The following CRY1 variants were observed in gnomAD, a reference collection of about 807,000 sequenced individuals.
CRY1 encodes the protein cryptochrome-1.
CRY1 carries 45 observed loss-of-function variants against 76.0 expected under a neutral mutation model. The observed-to-expected ratio is 0.59, with a 90% CI of 0.47 to 0.76. The LOEUF is 0.76. CRY1 is among the 30% of genes least tolerant of loss of function. CRY1 has a pLI of 0.00. For missense variants in CRY1, 587 were observed against 716.4 expected (o/e 0.82, Z 2.06); for synonymous variants, 248 against 244.0 (o/e 1.02, Z -0.15).
In CRY1 at chr12:107,016,678, AC is replaced by A. The variant is rs528824113; in HGVS notation, c.267+5405del. On this transcript the variant is annotated intron_variant, in intron 2 of 12. Coordinates refer to ENST00000008527, the MANE Select transcript of CRY1 (RefSeq NM_004075.5). ...CTGAAGAGTCCTAAATTTAGTCCAG[AC>A]TTCTCCCTGAGCACTAGACTTGAAT... is the stretch of plus-strand genomic sequence containing the variant. Among the ~76,000 whole-genome samples the A allele has an allele frequency of 1.1e-4, 17 of 152,268 alleles. No homozygotes were observed. The East Asian group carries it at 1.9e-3, about 17-fold the overall frequency.
At chr12:107,001,988 A>G (rs1325736431) in intron 3 of CRY1, 40 bp from the exon 4 acceptor site, 13 of 1,510,788 alleles carry the variant, frequency 8.6e-6, no homozygotes, top group Non-Finnish European at 1.1e-5. Flanking sequence ...GTATTAAAAA[A>G]GACAATACAT....
At chr12:107,047,517 T>C (rs900017077) in intron 1 of CRY1, among the ~76,000 whole-genome samples, 9 of 152,168 alleles carry the variant, frequency 5.9e-5, no homozygotes, top group African/African-American at 2.2e-4. Context: ...AATTGAATCA[T>C]GGAGGCAGTT....
At chr12:106,993,494 C>T (rs935131474) in intron 10 of CRY1, among the ~76,000 whole-genome samples, 1 of 151,594 alleles carries the variant, frequency 6.6e-6, no homozygotes, top group Admixed American at 6.6e-5. Flanking sequence ...GACTATGTGG[C>T]AGTTACCTAG....
At chr12:107,062,025 C>CAAAAAAAAAAAA (rs35683352) in intron 1 of CRY1, among the ~76,000 whole-genome samples, 3 of 93,556 alleles carry the variant, frequency 3.2e-5, no homozygotes, top group African/African-American at 4.7e-5. Context: ...GACCCTGTCT[C>CAAAAAAAAAAAA]AAAAAAAAAA....
At chr12:107,051,799 G>A (rs1257368120) in intron 1 of CRY1, among the ~76,000 whole-genome samples, 1 of 152,060 alleles carries the variant, frequency 6.6e-6, no homozygotes, top group African/African-American at 2.4e-5. Context: ...AGAGGTAATT[G>A]TAATCTAAGG....
chr12:107,092,218 G>A (rs537944074), intron 1 of CRY1, among the ~76,000 whole-genome samples: 1 of 152,236 alleles, frequency 6.6e-6, no homozygotes, highest in Non-Finnish European at 1.5e-5. Context: ...TCCCTAGAAG[G>A]ACTACAACTT....
chr12:107,002,472 T>C (rs1201340466), intron 3 of CRY1, among the ~76,000 whole-genome samples: 1 of 152,242 alleles, frequency 6.6e-6, no homozygotes, highest in Non-Finnish European at 1.5e-5. Flanking sequence ...AAATGGTTAC[T>C]ATAGTGAAGC....
intron 2 of CRY1, among the ~76,000 whole-genome samples, chr12:107,010,513 AGC>A (rs1425046142): frequency 7.2e-5 from 11 of 152,140 alleles, no homozygotes; most frequent in Admixed American, 7.2e-4. Flanking sequence ...TTTTCCCAAA[AGC>A]ATGTGCTCAC....
chr12:106,997,537 G>A lies in CRY1; in HGVS notation c.1443C>T (p.Ile481=), dbSNP rs368170196. The A allele has an allele frequency of 3.7e-6, 6 of 1,614,016 alleles. No homozygotes were observed. Among genetic ancestry groups the A allele is most frequent in the Admixed American group, 1.7e-5 (1 of 60,026 alleles). The change falls in exon 9 of 13, where the codon ATC becomes ATT. Residue 481 remains isoleucine (I), a synonymous_variant. Transcript: ENST00000008527. The part of the protein sequence containing the change: ...VNHAEASRLN[I]ERMKQIYQQL... ...GCTGATAGATCTGTTTCATCCTTTCGATATTCAAACGGCTTGCCTCAGCAT... is the reference window on the plus strand; with the variant it reads ...GCTGATAGATCTGTTTCATCCTTTCAATATTCAAACGGCTTGCCTCAGCAT...
chr12:107,014,998 C>A (rs1952484357), intron 2 of CRY1, among the ~76,000 whole-genome samples: 1 of 152,108 alleles, frequency 6.6e-6, no homozygotes, highest in Non-Finnish European at 1.5e-5. Flanking sequence ...CTGCCTCAGC[C>A]TCCTAAGTAG....
intron 1 of CRY1, among the ~76,000 whole-genome samples, chr12:107,084,272 T>G (rs1449438135): frequency 6.6e-6 from 1 of 152,188 alleles, no homozygotes; most frequent in African/African-American, 2.4e-5. Context: ...AATTAATAGA[T>G]TCAATGCTAT....
At chr12:107,009,555 C>CAAAACAA (rs1555275523) in intron 2 of CRY1, among the ~76,000 whole-genome samples, 7 of 32,154 alleles carry the variant, frequency 2.2e-4, no homozygotes, top group South Asian at 2.8e-3. Flanking sequence ...AACAAAAAAA[C>CAAAACAA]AAAAAAACAT....
At chr12:107,045,640 A>T (rs1952840451) in intron 1 of CRY1, among the ~76,000 whole-genome samples, 1 of 152,146 alleles carries the variant, frequency 6.6e-6, no homozygotes, top group Non-Finnish European at 1.5e-5. Context: ...CTAACATTTA[A>T]GTCTTTAATC....
chr12:107,011,605 G>C (rs1261612795), intron 2 of CRY1, among the ~76,000 whole-genome samples: 1 of 152,194 alleles, frequency 6.6e-6, no homozygotes, highest in Admixed American at 6.5e-5. Flanking sequence ...AATCCAGAGA[G>C]AGGCCCTAAC....
intron 2 of CRY1, among the ~76,000 whole-genome samples, chr12:107,012,059 G>A (rs1488076569): frequency 2.0e-5 from 3 of 152,094 alleles, no homozygotes; most frequent in Non-Finnish European, 4.4e-5. Flanking sequence ...GCATGGTGGT[G>A]CACGCCTGCA....
At chr12:107,048,166 C>T (rs188586939) in intron 1 of CRY1, among the ~76,000 whole-genome samples, 242 of 152,012 alleles carry the variant, frequency 1.6e-3, no homozygotes, top group African/African-American at 5.1e-3. Flanking sequence ...CTGCAACCTC[C>T]GCCCCCTGGG....
At chr12:107,004,930 T>C (rs1288688112) in intron 3 of CRY1, among the ~76,000 whole-genome samples, 176 bp downstream of exon 3, 2 of 152,220 alleles carry the variant, frequency 1.3e-5, no homozygotes, top group Non-Finnish European at 2.9e-5. Context: ...ATTTGACATA[T>C]GTTCACTTAA....
At chr12:107,034,602 A>G (rs1011506703) in intron 1 of CRY1, among the ~76,000 whole-genome samples, 5 of 152,198 alleles carry the variant, frequency 3.3e-5, no homozygotes, top group Admixed American at 1.3e-4. Context: ...AAATGCTCCA[A>G]TGAATTCGGT....
intron 2 of CRY1, among the ~76,000 whole-genome samples, chr12:107,007,005 T>G (rs1194427855): frequency 6.6e-6 from 1 of 152,172 alleles, no homozygotes; most frequent in East Asian, 1.9e-4. Context: ...ATTAAAAATT[T>G]TTTCCTTTCT....
Sources: allele counts gnomAD v4.1 joint callset (sites outside exome capture counted in the v4.1 genomes callset), GRCh38; gene constraint gnomAD v4.1.1; transcripts MANE v1.5; gene names NCBI Gene and HGNC (gene_info 2026-07-23, HGNC 2026-07-21).